TPRG1: variants seen among roughly 807,000 people sequenced by gnomAD.
TPRG1 encodes the protein tumor protein p63-regulated gene 1 protein.
TPRG1 carries 29 observed loss-of-function variants against 29.3 expected under a neutral mutation model. That is an observed-to-expected ratio of 0.99 (90% CI 0.74 to 1.35). The LOEUF is 1.35. TPRG1 is among the 40% of genes most tolerant of loss of function. The probability of loss-of-function intolerance (pLI) is 0.00; values close to 1 mark genes in which losing one functional copy is unlikely to be tolerated. For synonymous variants in TPRG1, 130 were observed against 116.8 expected (o/e 1.11, Z -0.73); for missense variants, 327 against 335.0 (o/e 0.98, Z 0.19).
intron 4 of TPRG1, among the ~76,000 whole-genome samples, chr3:189,272,775 C>G (rs929254923): frequency 6.7e-6 from 1 of 149,604 alleles, no homozygotes; most frequent in Non-Finnish European, 1.5e-5. Context: ...TTCCTTCCTT[C>G]CCTCTCTTTC....
chr3:189,034,985 T>C lies in TPRG1; in HGVS notation c.-463+11039T>C, dbSNP rs187210262. Among the ~76,000 whole-genome samples, 4 of 152,146 alleles carry C rather than the reference T, an allele frequency of 2.6e-5. No homozygotes were observed. The East Asian group carries it at 7.7e-4, about 29-fold the overall frequency. The stretch of plus-strand genomic sequence containing the variant: ...AAAAGAGCCTGAATAGACAAAGCAA[T>C]CCTAAGCAAAAAGGACAAAGCTGGA... On this transcript the variant is annotated intron_variant, in intron 4 of 10. Coordinates refer to the TPRG1 transcript ENST00000433971.
At chr3:189,217,702 G>T (rs1448415276) in intron 3 of TPRG1, among the ~76,000 whole-genome samples, 1 of 152,146 alleles carries the variant, frequency 6.6e-6, no homozygotes, top group Non-Finnish European at 1.5e-5. Flanking sequence ...GCTGCTAGTT[G>T]TAAAGACCAT....
At chr3:189,080,106 T>C (rs1326726862) in intron 4 of TPRG1, among the ~76,000 whole-genome samples, 1 of 152,212 alleles carries the variant, frequency 6.6e-6, no homozygotes, top group Admixed American at 6.5e-5. Flanking sequence ...TATATGGCAA[T>C]GGACAAGACT....
chr3:189,291,485 G>A (rs1718993065), intron 4 of TPRG1, among the ~76,000 whole-genome samples: 1 of 152,162 alleles, frequency 6.6e-6, no homozygotes, highest in African/African-American at 2.4e-5. Flanking sequence ...AAACTATGGT[G>A]CCAAAGAGAA....
intron 4 of TPRG1, among the ~76,000 whole-genome samples, chr3:189,079,717 A>G (rs574068876): frequency 8.5e-5 from 13 of 152,316 alleles, no homozygotes; most frequent in South Asian, 6.2e-4. Context: ...ACAACATGCA[A>G]TTACTACAGT....
At chr3:189,261,191 CAG>C (rs1022964051) in intron 4 of TPRG1, among the ~76,000 whole-genome samples, 10 of 152,216 alleles carry the variant, frequency 6.6e-5, no homozygotes, top group East Asian at 5.8e-4. Flanking sequence ...GCTAGGAAGA[CAG>C]GGGAGGGAGG....
intron 3 of TPRG1, among the ~76,000 whole-genome samples, chr3:189,232,838 T>G (rs1343267640): frequency 6.6e-6 from 1 of 152,120 alleles, no homozygotes; most frequent in Non-Finnish European, 1.5e-5. Context: ...AATCTGTGGA[T>G]TAGTTAGCTA....
At chr3:189,125,813 TTGTGTGTGTGTGTGTGTGTG>T (rs751689409) in intron 1 of TPRG1, among the ~76,000 whole-genome samples, 1,357 of 124,138 alleles carry the variant, frequency 0.011, 25 homozygotes, top group African/African-American at 0.035. Flanking sequence ...GCAGGGTGTT[TTGTGTGTGTGTGTGTGTGTG>T]TGTGTGTGTG....
intron 4 of TPRG1, among the ~76,000 whole-genome samples, chr3:189,256,665 C>T (rs1304761736): frequency 6.6e-6 from 1 of 152,134 alleles, no homozygotes; most frequent in African/African-American, 2.4e-5. Context: ...TCTCTAAGAA[C>T]TTGCTTTATG....
intron 1 of TPRG1, among the ~76,000 whole-genome samples, chr3:189,203,823 C>T (rs1052087134): frequency 6.6e-6 from 1 of 151,986 alleles, no homozygotes; most frequent in Non-Finnish European, 1.5e-5. Flanking sequence ...GGGTGGATCA[C>T]GAGGTCCAGA....
intron 4 of TPRG1, among the ~76,000 whole-genome samples, chr3:189,028,516 G>T (rs1713777202): frequency 6.6e-6 from 1 of 152,162 alleles, no homozygotes; most frequent in Non-Finnish European, 1.5e-5. Flanking sequence ...TCATATCTGA[G>T]ATCTTCACCC....
chr3:189,204,945 T>TCA (rs1206636743), intron 1 of TPRG1, among the ~76,000 whole-genome samples: 18 of 92,690 alleles, frequency 1.9e-4, no homozygotes, highest in African/African-American at 5.4e-4. Flanking sequence ...TCTCTCTCTC[T>TCA]CTCACACACA....
At chr3:189,045,060 A>G (rs1352269022) in intron 4 of TPRG1, among the ~76,000 whole-genome samples, 1 of 152,232 alleles carries the variant, frequency 6.6e-6, no homozygotes, top group Non-Finnish European at 1.5e-5. Context: ...TAATGTGTCC[A>G]GCATAAGCTG....
At chr3:189,243,916 C>G (rs1740993165) in intron 4 of TPRG1, among the ~76,000 whole-genome samples, 1 of 152,174 alleles carries the variant, frequency 6.6e-6, no homozygotes. Flanking sequence ...TTGGTGATAA[C>G]CACTCAGCCA....
chr3:189,267,890 T>TGTGGG (rs1714400415), intron 4 of TPRG1, among the ~76,000 whole-genome samples: 1 of 152,094 alleles, frequency 6.6e-6, no homozygotes, highest in Non-Finnish European at 1.5e-5. Flanking sequence ...CAGGGAGCGG[T>TGTGGG]ATGTGGGATG....
intron 5 of TPRG1, among the ~76,000 whole-genome samples, chr3:189,317,850 A>C (rs188244684): frequency 6.6e-6 from 1 of 152,178 alleles, no homozygotes; most frequent in Non-Finnish European, 1.5e-5. Context: ...GTGTGTGCAT[A>C]TATCTGCATG....
At chr3:189,134,525 AC>A (rs1300629909) in intron 3 of TPRG1, among the ~76,000 whole-genome samples, 2 of 144,638 alleles carry the variant, frequency 1.4e-5, no homozygotes, top group Admixed American at 7.3e-5. Context: ...TGATCCTCCC[AC>A]CTCAGCCTCC....
At chr3:189,182,354 A>G (rs1329871963) in intron 1 of TPRG1, among the ~76,000 whole-genome samples, 1 of 152,262 alleles carries the variant, frequency 6.6e-6, no homozygotes, top group African/African-American at 2.4e-5. Flanking sequence ...GTCTGCTTAT[A>G]CATGCATACC....
At chr3:189,076,935 T>C (rs1223624590) in intron 4 of TPRG1, among the ~76,000 whole-genome samples, 1 of 151,092 alleles carries the variant, frequency 6.6e-6, no homozygotes, top group African/African-American at 2.5e-5. Flanking sequence ...TATATATATA[T>C]ATATATAGCC....
Sources: allele counts gnomAD v4.1 joint callset (sites outside exome capture counted in the v4.1 genomes callset), GRCh38; gene constraint gnomAD v4.1.1; transcripts MANE v1.5; gene names NCBI Gene and HGNC (gene_info 2026-07-23, HGNC 2026-07-21).